SP6: variants seen among roughly 807,000 people sequenced by gnomAD.
The protein encoded by SP6 is Sp6 transcription factor.
A neutral mutation model predicts 23.4 loss-of-function variants in SP6; 10 were observed. That is an observed-to-expected ratio of 0.43 (90% CI 0.26 to 0.72). The LOEUF is 0.72. Among genes scored for constraint, SP6 ranks in the 30% least tolerant of loss-of-function variants. The probability of loss-of-function intolerance (pLI) is 0.23; values close to 1 mark genes in which losing one functional copy is unlikely to be tolerated. For missense variants in SP6, 482 were observed against 523.8 expected, an observed-to-expected ratio of 0.92 and a Z score of 0.78; for synonymous variants, 238 against 238.7, an observed-to-expected ratio of 1.00 and a Z score of 0.03.
chr17:47,854,289 T>G (rs1438117210), upstream of SP6, among the ~76,000 whole-genome samples: 2 of 152,252 alleles, frequency 1.3e-5, no homozygotes, highest in African/African-American at 4.8e-5. Context: ...ATGTTCCAGA[T>G]GCTTTACACA....
In SP6 at chr17:47,846,786, C is replaced by T. The variant is rs921341997; in HGVS notation, c.*513G>A. The T allele has an allele frequency of 6.5e-6, 1 of 153,012 alleles. No homozygotes were observed. The highest frequency in any genetic ancestry group is 1.5e-5 in the Non-Finnish European group (1 of 68,660). The allele number at this position is 153,012 out of a possible 1,614,324, so 9.5% of individuals were successfully genotyped here. ...ACCCCCAGGCTCCCCCATCCCATCT[C>T]GGCTCTCCCTCCGGAAACCCTAGGG... is the stretch of plus-strand genomic sequence containing the variant. On this transcript the variant is annotated 3_prime_UTR_variant, in exon 2 of 2. Transcript: ENST00000536300.
At chr17:47,855,886 C>CG (rs2033995072), upstream of SP6, 1 of 152,268 alleles carries the variant, frequency 6.6e-6, no homozygotes, top group Non-Finnish European at 1.5e-5. Flanking sequence ...GTGAGGTCTG[C>CG]CAGGAAAGGA....
chr17:47,856,516 G>A (rs1246372465), upstream of SP6, among the ~76,000 whole-genome samples: 3 of 152,278 alleles, frequency 2.0e-5, no homozygotes, highest in Middle Eastern at 3.4e-3. Flanking sequence ...GGGAGAAGGG[G>A]CCTGAAGGTG....
chr17:47,848,292 C>A lies in SP6; in HGVS notation c.138G>T (p.Pro46=). The A allele has an allele frequency of 1.2e-6, 2 of 1,611,868 alleles. No homozygotes were observed. Among genetic ancestry groups the A allele is most frequent in the Non-Finnish European group, 1.7e-6 (2 of 1,179,172 alleles). ...GGCTCTGCAGCTCTCCAGGCTGCAG[C>A]GGGGAGGGGTAGTCCCCGGCCTCAG... ...TSPEAGDYPS[P]LQPGELQSLP... Residue 46 remains proline (P), a synonymous_variant, in exon 2 of 2, where the codon CCG becomes CCT. Coordinates refer to ENST00000536300, the MANE Select transcript of SP6 (RefSeq NM_001258248.2). The surrounding 1 kb of genome is among the most constrained non-coding windows in gnomAD (Gnocchi z 5.3).
the SP6 span, among the ~76,000 whole-genome samples, chr17:47,869,614 G>T: frequency 1.3e-5 from 2 of 152,192 alleles, no homozygotes; most frequent in African/African-American, 4.8e-5. Context: ...TGGCTCTAAA[G>T]GCGTAAACAC....
the SP6 span, among the ~76,000 whole-genome samples, chr17:47,862,208 G>C: frequency 1.3e-5 from 2 of 152,090 alleles, no homozygotes; most frequent in African/African-American, 4.8e-5. Context: ...GCCAGGTCTG[G>C]TGGCGGGTGC....
Position 47,846,803 on chromosome 17 carries a change from A to C in SP6, c.*496T>G, listed in dbSNP as rs1598057329. 6.5e-6 allele frequency: 1 copy of C among 153,270 alleles called. No individual in the cohort carries two copies. The highest frequency in any genetic ancestry group is 1.5e-5 in the Non-Finnish European group (1 of 68,786). 9.5% of individuals were successfully genotyped at this position (153,270 alleles called of 1,614,324 possible). ...TCCCATCTCGGCTCTCCCTCCGGAAACCCTAGGGGCAGAAGCACTTTAAGT... is the reference window on the plus strand; with the variant it reads ...TCCCATCTCGGCTCTCCCTCCGGAACCCCTAGGGGCAGAAGCACTTTAAGT... On this transcript the variant is annotated 3_prime_UTR_variant, in exon 2 of 2. Coordinates refer to ENST00000536300, the MANE Select transcript of SP6 (RefSeq NM_001258248.2).
the SP6 span, among the ~76,000 whole-genome samples, chr17:47,876,020 C>T: frequency 6.6e-6 from 1 of 152,294 alleles, no homozygotes; most frequent in East Asian, 1.9e-4. Context: ...CCCCACTAAC[C>T]TGCCCTGTTG....
upstream of SP6, among the ~76,000 whole-genome samples, chr17:47,860,517 C>T (rs1318170886): frequency 6.6e-6 from 1 of 152,086 alleles, no homozygotes; most frequent in Non-Finnish European, 1.5e-5. Flanking sequence ...TGAATTTACA[C>T]CCTTTGCAGA....
chr17:47,858,086 C>T (rs925311912), upstream of SP6, among the ~76,000 whole-genome samples: 2 of 152,102 alleles, frequency 1.3e-5, no homozygotes, highest in East Asian at 1.9e-4. Context: ...CCTCGCCTCT[C>T]GGTCTCCCAC....
the SP6 span, among the ~76,000 whole-genome samples, chr17:47,861,024 C>T: frequency 6.6e-6 from 1 of 152,236 alleles, no homozygotes; most frequent in Non-Finnish European, 1.5e-5. Context: ...GTATCAGGAC[C>T]TGGCAGGCGG....
the SP6 span, among the ~76,000 whole-genome samples, chr17:47,866,404 G>A: frequency 6.6e-6 from 1 of 152,216 alleles, no homozygotes; most frequent in Non-Finnish European, 1.5e-5. Flanking sequence ...GAGACAAGGA[G>A]GAAGATGGGC....
Position 47,847,542 on chromosome 17 carries a change from C to A in SP6, c.888G>T (p.Thr296=), listed in dbSNP as rs533686112. 5.0e-6 allele frequency: 8 copies of A among 1,613,688 alleles called. No individual in the cohort carries two copies. The highest frequency in any genetic ancestry group is 1.7e-4 in the Middle Eastern group (1 of 6,052). Residue 296 remains threonine (T), a synonymous_variant, in exon 2 of 2, where the codon ACG becomes ACT. Transcript: ENST00000536300. ...GGTGGCGCTGCAGCTCGTCCGAGCG[C>A]GTGAAGCGCTTGCCGCAGAAGAGCC... is the stretch of plus-strand genomic sequence containing the variant. ...CNWLFCGKRF[T]RSDELQRHLQ...
the SP6 span, among the ~76,000 whole-genome samples, chr17:47,867,862 A>AC: frequency 2.0e-5 from 3 of 151,554 alleles, no homozygotes; most frequent in Non-Finnish European, 4.4e-5. Context: ...TAAAGATCTC[A>AC]CCCCCACTGG....
In SP6 at chr17:47,847,562, A is replaced by G; in HGVS notation, c.868T>C (p.Phe290Leu). The G allele has an allele frequency of 6.2e-7, 1 of 1,613,748 alleles. No individual in the cohort carries two copies. The highest frequency in any genetic ancestry group is 1.3e-5 in the African/African-American group (1 of 75,068). ...GAGCGCGTGAAGCGCTTGCCGCAGAAGAGCCAGTTGCACACGAAGGGACGG... is the reference window on the plus strand; with the variant it reads ...GAGCGCGTGAAGCGCTTGCCGCAGAGGAGCCAGTTGCACACGAAGGGACGG... ...GDRPFVCNWL[F>L]CGKRFTRSDE... The change falls in exon 2 of 2, where the codon TTC (phenylalanine) becomes CTC (leucine). Residue 290 changes from phenylalanine to leucine, a missense_variant. Phe to Leu is a conservative substitution (Grantham distance 22). Coordinates refer to ENST00000536300, the MANE Select transcript of SP6 (RefSeq NM_001258248.2).
chr17:47,874,612 A>C, the SP6 span, among the ~76,000 whole-genome samples: 1 of 152,078 alleles, frequency 6.6e-6, no homozygotes, highest in Non-Finnish European at 1.5e-5. Flanking sequence ...GTTGCTGCTG[A>C]TGTTGGGGTT....
At chr17:47,868,575 G>C in the SP6 span, among the ~76,000 whole-genome samples, 1 of 152,168 alleles carries the variant, frequency 6.6e-6, no homozygotes. Context: ...TCACACTCAC[G>C]AGGCCCTCAC....
At chr17:47,874,600 T>A in the SP6 span, among the ~76,000 whole-genome samples, 1 of 152,170 alleles carries the variant, frequency 6.6e-6, no homozygotes, top group African/African-American at 2.4e-5. Context: ...TGCTGACCTC[T>A]GGTTGCTGCT....
upstream of SP6, among the ~76,000 whole-genome samples, chr17:47,857,634 C>G (rs1039183157): frequency 1.6e-4 from 25 of 152,146 alleles, no homozygotes; most frequent in African/African-American, 6.0e-4. Context: ...ACAGCCAGCA[C>G]CCTACCTGGC....
Sources: allele counts gnomAD v4.1 joint callset (sites outside exome capture counted in the v4.1 genomes callset), GRCh38; gene constraint gnomAD v4.1.1; non-coding constraint Gnocchi (gnomAD v3.1); transcripts MANE v1.5; gene names NCBI Gene and HGNC (gene_info 2026-07-23, HGNC 2026-07-21).